ABR: variants seen among roughly 807,000 people sequenced by gnomAD.
ABR encodes active breakpoint cluster region-related protein.
Under a neutral mutation model 107.2 loss-of-function variants are expected in ABR, and 35 were observed. The ratio of observed to expected loss-of-function variants is 0.33; its 90% CI spans 0.25 to 0.43. The LOEUF (loss-of-function observed/expected upper bound fraction) is 0.43, where lower values mean the gene tolerates loss of function less well. ABR is among the 20% of genes least tolerant of loss of function. The probability of loss-of-function intolerance (pLI) is 1.00; values close to 1 mark genes in which losing one functional copy is unlikely to be tolerated. For synonymous variants in ABR, 498 were observed against 462.0 expected (o/e 1.08, Z -1.00); for missense variants, 815 against 1,115.2 (o/e 0.73, Z 3.83).
intron 2 of ABR, among the ~76,000 whole-genome samples, chr17:1,106,438 TGCAC>T (rs1172719817): frequency 7.3e-6 from 1 of 137,690 alleles, no homozygotes; most frequent in African/African-American, 2.7e-5. Flanking sequence ...CACACACACA[TGCAC>T]GCATCCAGGC....
chr17:1,191,919 G>A (rs1334995695), upstream of ABR, among the ~76,000 whole-genome samples: 3 of 151,988 alleles, frequency 2.0e-5, no homozygotes, highest in Non-Finnish European at 2.9e-5. Context: ...AAGAGCGCTC[G>A]ACCGAGCACA....
rs777261236 is a variant in ABR at position 1,078,816 on chromosome 17, T to C, written c.700+514A>G. ...CCCACAGCGAGCACCTGGGTTACCA[T>C]AGGTGCAGTTACAGCAGAAGCGAAT... On this transcript the variant is annotated intron_variant, in intron 6 of 22. Coordinates refer to ENST00000302538, the MANE Select transcript of ABR (RefSeq NM_021962.5). This position sits in a 1 kb window ranked among gnomAD's most constrained non-coding sequence, Gnocchi z 7.5. The C allele has an allele frequency of 1.4e-5, 21 of 1,534,890 alleles. No individual in the cohort carries two copies. The highest frequency in any genetic ancestry group is 3.6e-5 in the South Asian group (3 of 84,040).
chr17:1,075,554 C>T (rs542662370), intron 6 of ABR, among the ~76,000 whole-genome samples: 35 of 151,420 alleles, frequency 2.3e-4, no homozygotes, highest in Admixed American at 4.0e-4. Flanking sequence ...GGCTGCCTGT[C>T]GGAATCACTG....
intron 1 of ABR, among the ~76,000 whole-genome samples, chr17:1,196,363 G>A (rs2042565317): frequency 6.6e-6 from 1 of 151,332 alleles, no homozygotes; most frequent in South Asian, 2.1e-4. Flanking sequence ...CCAGGAGGTG[G>A]AGGTCACAGT....
upstream of ABR, among the ~76,000 whole-genome samples, chr17:1,191,380 CAG>C (rs1352223588): frequency 1.6e-4 from 15 of 94,794 alleles, no homozygotes; most frequent in Non-Finnish European, 2.5e-4. Context: ...TTTTTTGAGA[CAG>C]AGTCTCCCTC....
intron 16 of ABR, among the ~76,000 whole-genome samples, chr17:1,042,978 T>G (rs1343861331): frequency 6.6e-6 from 1 of 152,160 alleles, no homozygotes; most frequent in Non-Finnish European, 1.5e-5. Flanking sequence ...TACGTAAGGT[T>G]CCCAGACTGG....
At chr17:1,176,717 G>T in intron 1 of ABR, among the ~76,000 whole-genome samples, 1 of 152,102 alleles carries the variant, frequency 6.6e-6, no homozygotes, top group Non-Finnish European at 1.5e-5. Flanking sequence ...TGTGGTGGCA[G>T]GCGCCCATAA....
At position 1,076,721 on chromosome 17, in the gene ABR, GGT is replaced by G. The variant is rs1238854252; in HGVS notation, c.700+2607_700+2608del. On this transcript the variant is annotated intron_variant, in intron 6 of 22. Transcript: ENST00000302538. ...GCCAGGAGGGCAGGTGCACGGGGGG[GGT>G]GGGGGTGGGGGGGGTGGCGGCACTG... Among the ~76,000 whole-genome samples the G allele has an allele frequency of 2.2e-3, 93 of 42,056 alleles. 4 individuals carry two copies. Among genetic ancestry groups the G allele is most frequent in the African/African-American group, 5.3e-3 (70 of 13,302 alleles). The allele number at this position is 42,056 out of a possible 152,430, so 27.6% of individuals were successfully genotyped here.
chr17:1,062,466 G>C (rs1213622252), intron 10 of ABR, among the ~76,000 whole-genome samples: 1 of 132,520 alleles, frequency 7.5e-6, no homozygotes, highest in Non-Finnish European at 1.6e-5. Flanking sequence ...CGTGAACTGA[G>C]GGCTATGCAT....
intron 1 of ABR, among the ~76,000 whole-genome samples, chr17:1,201,147 G>A (rs1221115071): frequency 3.3e-5 from 5 of 152,206 alleles, no homozygotes; most frequent in Middle Eastern, 3.2e-3. Context: ...TCAGGCAGCC[G>A]CATCACTCAA....
At chr17:1,109,485 G>C (rs979278554) in intron 2 of ABR, among the ~76,000 whole-genome samples, 2 of 152,034 alleles carry the variant, frequency 1.3e-5, no homozygotes, top group African/African-American at 4.8e-5. Flanking sequence ...CTGGGGTTGC[G>C]GGGCCGCGGC....
rs948752875 is a variant in ABR at position 1,003,764 on chromosome 17, CCTG to C, written c.*2313_*2315del. On this transcript the variant is annotated 3_prime_UTR_variant, in exon 23 of 23. Coordinates refer to ENST00000302538, the MANE Select transcript of ABR (RefSeq NM_021962.5). ...AGACCTGGCGTTTCTTAGCCTGACT[CCTG>C]CTGGGCACAGCCCACCCTGCTGGGC... 6.0e-5 allele frequency: 9 copies of C among 151,220 alleles called. No individual in the cohort carries two copies. The highest frequency in any genetic ancestry group is 2.0e-4 in the African/African-American group (8 of 40,322). The allele number at this position is 151,220 out of a possible 1,614,324, so 9.4% of individuals were successfully genotyped here. A position where few individuals can be genotyped will look rare whatever the true frequency, so the allele number is the denominator to read the frequency against.
At chr17:1,217,942 G>A (rs896824284) in intron 1 of ABR, among the ~76,000 whole-genome samples, 2 of 151,820 alleles carry the variant, frequency 1.3e-5, no homozygotes, top group Admixed American at 6.6e-5. Flanking sequence ...TGATCCGCCC[G>A]CCTCGGCCTC....
At chr17:1,146,296 C>T (rs548215993) in intron 1 of ABR, among the ~76,000 whole-genome samples, 8 of 146,572 alleles carry the variant, frequency 5.5e-5, no homozygotes, top group East Asian at 4.0e-4. Context: ...CACACACACA[C>T]ATCACATCCT....
chr17:1,181,615 C>G (rs1020532930), upstream of ABR, among the ~76,000 whole-genome samples: 2 of 152,154 alleles, frequency 1.3e-5, no homozygotes, highest in Non-Finnish European at 2.9e-5. Flanking sequence ...TCCAATGAGA[C>G]GCTCCAGAAA....
At chr17:1,079,119 A>AGCTG (rs1181662053) in intron 6 of ABR, 5 of 1,436,448 alleles carry the variant, frequency 3.5e-6, no homozygotes, top group Non-Finnish European at 1.8e-6. Flanking sequence ...GCACGTTTGT[A>AGCTG]GCTGGCTGGC....
chr17:1,125,509 C>CG (rs1389793656), intron 1 of ABR, 142 bp from the exon 2 acceptor site: 1 of 783,500 alleles, frequency 1.3e-6, no homozygotes, highest in Non-Finnish European at 1.8e-6. Flanking sequence ...GGGGGCTGTG[C>CG]GGGGGCCTGG....
upstream of ABR, chr17:1,181,761 G>T (rs1277816763): frequency 1.3e-5 from 2 of 152,190 alleles, no homozygotes; most frequent in Non-Finnish European, 2.9e-5. Context: ...GTGGAAACGG[G>T]CGTGAGCTGC....
rs2070470474 is a variant in ABR, at chr17:1,010,819, C to T, written c.2146G>A (p.Ala716Thr). 5 of 1,613,780 alleles carry T rather than the reference C, an allele frequency of 3.1e-6. No individual in the cohort carries two copies. The highest frequency in any genetic ancestry group is 1.3e-5 in the African/African-American group (1 of 74,916). ...TACAGCTTGAGCGTCCCGGCGATGG[C>T]GTTGATGTCCATGTCACTCAGCATC... ...LLMLSDMDIN[A>T]IAGTLKLYFR... Residue 716 changes from alanine to threonine, a missense_variant, in exon 20 of 23, where the codon GCC becomes ACC. Physicochemically the swap from Ala to Thr is moderately conservative, Grantham distance 58. Around this residue, in one of 5 missense-constraint regions of ABR, gnomAD observed 175 missense variants for 284.3 expected, o/e 0.62. Coordinates refer to ENST00000302538, the MANE Select transcript of ABR (RefSeq NM_021962.5). This position sits in a 1 kb window ranked among gnomAD's most constrained non-coding sequence, Gnocchi z 4.1.
Sources: allele counts gnomAD v4.1 joint callset (sites outside exome capture counted in the v4.1 genomes callset), GRCh38; gene constraint gnomAD v4.1.1; regional missense constraint gnomAD v4.1.1; non-coding constraint Gnocchi (gnomAD v3.1); transcripts MANE v1.5; gene names NCBI Gene and HGNC (gene_info 2026-07-23, HGNC 2026-07-21).